The following CHD2 variants were observed in gnomAD, a reference collection of about 807,000 sequenced individuals.
CHD2 encodes the protein chromodomain helicase DNA binding protein 2.
Under a neutral mutation model 243.9 loss-of-function variants are expected in CHD2, and 28 were observed. The ratio of observed to expected loss-of-function variants is 0.11; its 90% confidence interval spans 0.09 to 0.16. The LOEUF is 0.16. Among genes scored for constraint, CHD2 ranks in the 10% least tolerant of loss-of-function variants. CHD2 has a pLI of 1.00. For synonymous variants in CHD2, 775 were observed against 779.0 expected (o/e 0.99, Z 0.09); for missense variants, 1,386 against 2,209.8 (o/e 0.63, Z 7.47).
At chr15:92,939,432 G>C (rs2053321654) in intron 6 of CHD2, 146 bp from the exon 7 acceptor site, 1 of 816,126 alleles carries the variant, frequency 1.2e-6, no homozygotes, top group East Asian at 2.8e-5. Flanking sequence ...CAGGGAGTAG[G>C]GCCCAAGAAT....
intron 35 of CHD2, 37 bp from the exon 36 acceptor site, chr15:93,012,308 T>G: frequency 1.4e-6 from 2 of 1,466,898 alleles, no homozygotes; most frequent in Non-Finnish European, 1.9e-6. Context: ...CTTTTCTAAT[T>G]CTATAATTCA....
chr15:92,912,054 G>A (rs1414515600), intron 2 of CHD2, among the ~76,000 whole-genome samples: 1 of 152,160 alleles, frequency 6.6e-6, no homozygotes, highest in East Asian at 1.9e-4. Flanking sequence ...GGAGGCCTCG[G>A]AACTTCACCT....
chr15:92,943,259 CAAGT>C (rs1238687722), intron 9 of CHD2, 191 bp downstream of exon 9: 2 of 574,042 alleles, frequency 3.5e-6, no homozygotes, highest in African/African-American at 3.8e-5. Flanking sequence ...ATGTGGCTAC[CAAGT>C]TTTTGGAGTT....
intron 2 of CHD2, among the ~76,000 whole-genome samples, chr15:92,905,361 A>G (rs1018219997): frequency 3.3e-5 from 5 of 152,218 alleles, no homozygotes; most frequent in Admixed American, 6.5e-5. Flanking sequence ...TTCATCGTTC[A>G]GCAACGATGT....
chr15:92,984,824 G>A (rs17610424), intron 25 of CHD2, among the ~76,000 whole-genome samples: 9,421 of 152,292 alleles, frequency 0.062, 373 homozygotes, highest in Non-Finnish European at 0.095. Context: ...TCAACTTTCA[G>A]AAAGTCACAC....
intron 25 of CHD2, among the ~76,000 whole-genome samples, chr15:92,985,268 A>G (rs1020141582): frequency 1.3e-5 from 2 of 152,210 alleles, no homozygotes; most frequent in African/African-American, 2.4e-5. Context: ...ATATTCATAT[A>G]TTTTTAATCC....
chr15:92,998,733 A>G lies in CHD2; in HGVS notation c.4008+112A>G, dbSNP rs1209923916. The G allele has an allele frequency of 3.9e-5, 51 of 1,324,406 alleles. No individual in the cohort carries two copies. Among genetic ancestry groups the G allele is most frequent in the Non-Finnish European group, 4.5e-5 (44 of 970,676 alleles). 82.0% of individuals were successfully genotyped at this position (1,324,406 alleles called of 1,614,324 possible). Reference sequence around the variant, plus strand: ...GCACTGCACAGAATGTCACCTTCTCATGGGCATATTTTGTTTTTGAGGTTC... The same window carrying G: ...GCACTGCACAGAATGTCACCTTCTCGTGGGCATATTTTGTTTTTGAGGTTC... On this transcript the variant is annotated intron_variant, in intron 31 of 38. Transcript: ENST00000394196. This position sits in a 1 kb window ranked among gnomAD's most constrained non-coding sequence, Gnocchi z 5.1.
At chr15:92,967,542 G>GGGGT (rs774097212) in intron 17 of CHD2, 29 bp downstream of exon 17, 1 of 1,591,456 alleles carries the variant, frequency 6.3e-7, no homozygotes, top group Admixed American at 1.7e-5. Flanking sequence ...TAGGCCTGAA[G>GGGGT]GGGTTGAGAT....
At chr15:92,922,845 A>G (rs2052984868) in intron 2 of CHD2, among the ~76,000 whole-genome samples, 1 of 152,030 alleles carries the variant, frequency 6.6e-6, no homozygotes, top group Non-Finnish European at 1.5e-5. Flanking sequence ...TCACCATTAG[A>G]GGAAGATGAG....
chr15:92,927,382 A>T (rs757481117), intron 4 of CHD2, 52 bp downstream of exon 4: 1 of 1,312,388 alleles, frequency 7.6e-7, no homozygotes, highest in Non-Finnish European at 1.1e-6. Context: ...ATCTTACTTC[A>T]TTCTTTCTGA....
chr15:92,915,537 C>T (rs1366544108), intron 2 of CHD2, among the ~76,000 whole-genome samples: 1 of 152,132 alleles, frequency 6.6e-6, no homozygotes, highest in African/African-American at 2.4e-5. Context: ...TCCCAAAGTG[C>T]TGGGATTACA....
chr15:92,901,306 G>A lies in CHD2; in HGVS notation c.62+7G>A. The A allele has an allele frequency of 6.3e-7, 1 of 1,588,312 alleles. No homozygotes were observed. The highest frequency in any genetic ancestry group is 8.6e-7 in the Non-Finnish European group (1 of 1,158,552). ...TACACAGCAATGCATCGAGGTATGAGCTATCAACTTTCTTCCTTTTTGTCT... is the reference window on the plus strand; with the variant it reads ...TACACAGCAATGCATCGAGGTATGAACTATCAACTTTCTTCCTTTTTGTCT... On this transcript the variant is annotated splice_region_variant and intron_variant, in intron 2 of 38. Transcript: ENST00000394196.
At chr15:92,940,521 ATT>A (rs879266410) in intron 7 of CHD2, among the ~76,000 whole-genome samples, 13 of 147,576 alleles carry the variant, frequency 8.8e-5, no homozygotes, top group Non-Finnish European at 1.7e-4. Flanking sequence ...GAAATCAAGT[ATT>A]TTTTTTTTTA....
At chr15:92,920,987 G>C (rs895210178) in intron 2 of CHD2, among the ~76,000 whole-genome samples, 1 of 151,926 alleles carries the variant, frequency 6.6e-6, no homozygotes, top group Non-Finnish European at 1.5e-5. Context: ...GCTTTGGAGT[G>C]AGTCTTTCTA....
At chr15:92,923,328 A>G (rs984255538) in intron 2 of CHD2, among the ~76,000 whole-genome samples, 9 of 151,656 alleles carry the variant, frequency 5.9e-5, no homozygotes, top group Non-Finnish European at 1.3e-4. Flanking sequence ...TGGCGTAATC[A>G]TGGCTCACTG....
rs755883226 is a variant in CHD2 at position 92,946,186 on chromosome 15, C to T, written c.1347C>T (p.Asn449=). The change falls in exon 12 of 39, where the codon AAC becomes AAT. Residue 449 remains asparagine (N), a synonymous_variant. Transcript: ENST00000394196. The part of the protein sequence containing the change: ...NCIDSFHSRN[N]SKTIPTRECK... The stretch of plus-strand genomic sequence containing the variant: ...TTGACAGCTTCCACAGTAGGAACAA[C>T]TCAAAAACCATCCCAACAAGAGAAT... 7.4e-6 allele frequency: 12 copies of T among 1,612,008 alleles called. 1 individual carries two copies. In the South Asian group the frequency reaches 1.2e-4, roughly 16 times the overall value.
At chr15:93,011,988 A>T (rs2054399538) in intron 35 of CHD2, among the ~76,000 whole-genome samples, 1 of 152,170 alleles carries the variant, frequency 6.6e-6, no homozygotes. Context: ...CTAGGTATTG[A>T]TAGAGCCTTA....
intron 37 of CHD2, among the ~76,000 whole-genome samples, chr15:93,019,492 C>T (rs1261880302): frequency 6.6e-6 from 1 of 152,126 alleles, no homozygotes; most frequent in Non-Finnish European, 1.5e-5. Flanking sequence ...TAGCCAGCAG[C>T]AACAAGACCA....
chr15:92,945,071 G>A (rs985956204), intron 10 of CHD2: 4 of 152,592 alleles, frequency 2.6e-5, no homozygotes, highest in African/African-American at 9.6e-5. Context: ...AGGAGACTGA[G>A]AAAGAACAGT....
Sources: allele counts gnomAD v4.1 joint callset (sites outside exome capture counted in the v4.1 genomes callset), GRCh38; gene constraint gnomAD v4.1.1; non-coding constraint Gnocchi (gnomAD v3.1); transcripts MANE v1.5; gene names NCBI Gene and HGNC (gene_info 2026-07-23, HGNC 2026-07-21).